MAST4: variants seen among roughly 807,000 people sequenced by gnomAD.
MAST4 encodes the protein microtubule associated serine/threonine kinase family member 4.
Under a neutral mutation model 162.7 loss-of-function variants are expected in MAST4, and 89 were observed. That is an observed-to-expected ratio of 0.55 (90% CI 0.46 to 0.65). The LOEUF (loss-of-function observed/expected upper bound fraction) is 0.65. Ranked by LOEUF, MAST4 falls within the 30% of genes least tolerant of loss-of-function variation. The probability of loss-of-function intolerance (pLI) is 0.00; values close to 1 mark genes in which losing one functional copy is unlikely to be tolerated. For missense variants in MAST4, 3,153 were observed against 3,374.0 expected (o/e 0.93, Z 1.62); for synonymous variants, 1,479 against 1,361.1 (o/e 1.09, Z -1.91).
At chr5:66,723,000 G>C (rs551494331) in intron 1 of MAST4, among the ~76,000 whole-genome samples, 127 of 152,230 alleles carry the variant, frequency 8.3e-4, no homozygotes, top group African/African-American at 2.7e-3. Context: ...GTGAAGTGAG[G>C]GTGTTATAAG....
intron 4 of MAST4, among the ~76,000 whole-genome samples, chr5:66,904,894 A>G (rs1171451668): frequency 2.0e-5 from 3 of 152,144 alleles, no homozygotes; most frequent in African/African-American, 7.2e-5. Context: ...TATAGTACCC[A>G]AACAGTAGTT....
intron 1 of MAST4, among the ~76,000 whole-genome samples, chr5:66,649,954 C>G (rs1746111086): frequency 6.6e-6 from 1 of 152,008 alleles, no homozygotes; most frequent in Non-Finnish European, 1.5e-5. Flanking sequence ...TGGCTTCTCA[C>G]TTTCAGGGCC....
chr5:66,806,598 A>G (rs1007314005), intron 3 of MAST4, among the ~76,000 whole-genome samples: 1 of 152,220 alleles, frequency 6.6e-6, no homozygotes, highest in East Asian at 1.9e-4. Flanking sequence ...TCAGTTGGGA[A>G]ATGTAGGATT....
In MAST4 at chr5:66,684,836, A is replaced by G. The variant is rs144715877; in HGVS notation, c.364-74873A>G. On this transcript the variant is annotated intron_variant, in intron 1 of 28. Coordinates refer to ENST00000403625, the MANE Select transcript of MAST4 (RefSeq NM_001164664.2). ...TGCAGAGAGCCAGCAGTTGATGGTT[A>G]TTGAGTCAGCACCTGCTGCTCAGCG... Among the ~76,000 whole-genome samples, 807 of 151,810 alleles carry G rather than the reference A, an allele frequency of 5.3e-3. 1 individual carries two copies. Among genetic ancestry groups the G allele is most frequent in the South Asian group, 0.014 (66 of 4,832 alleles).
intron 3 of MAST4, among the ~76,000 whole-genome samples, chr5:66,807,536 C>T (rs115474639): frequency 0.048 from 7,337 of 151,994 alleles, 267 homozygotes; most frequent in South Asian, 0.13. Flanking sequence ...TAAATTATTA[C>T]GGACTGTAGT....
chr5:67,054,342 A>G (rs1194976956), intron 4 of MAST4, 62 bp from the exon 5 acceptor site: 2 of 1,388,908 alleles, frequency 1.4e-6, no homozygotes, highest in Admixed American at 2.2e-5. Context: ...TACCGGGAAC[A>G]TGGTTGAACA....
chr5:66,609,592 G>A (rs1256654584), intron 1 of MAST4, among the ~76,000 whole-genome samples: 3 of 150,556 alleles, frequency 2.0e-5, no homozygotes, highest in Admixed American at 1.3e-4. Context: ...TTGCCATGCT[G>A]CCCAGGCTGG....
At chr5:66,699,859 G>A (rs1346664565) in intron 1 of MAST4, among the ~76,000 whole-genome samples, 7 of 151,962 alleles carry the variant, frequency 4.6e-5, no homozygotes, top group African/African-American at 9.7e-5. Flanking sequence ...GCAAACCACC[G>A]TGGCACACAT....
At chr5:66,809,699 T>C (rs1756383973) in intron 3 of MAST4, among the ~76,000 whole-genome samples, 1 of 152,238 alleles carries the variant, frequency 6.6e-6, no homozygotes, top group Non-Finnish European at 1.5e-5. Context: ...TATTTGTTTC[T>C]TGTTCCAGAA....
intron 16 of MAST4, 128 bp downstream of exon 16, chr5:67,132,079 T>C: frequency 1.9e-6 from 2 of 1,030,022 alleles, no homozygotes; most frequent in South Asian, 1.7e-5. Flanking sequence ...TGAGTTGTTT[T>C]AACAGTATAT....
intron 26 of MAST4, among the ~76,000 whole-genome samples, chr5:67,159,386 A>G (rs1294487770): frequency 6.6e-6 from 1 of 152,100 alleles, no homozygotes; most frequent in Non-Finnish European, 1.5e-5. Context: ...AGCATGGATT[A>G]CTTCCCAAAT....
At position 67,142,434 on chromosome 5, in the gene MAST4, G is replaced by A; in HGVS notation, c.2631G>A (p.Lys877=). The part of the protein sequence containing the change: ...DTSYFDTRSE[K]YHHMETEEED... ...ATTTCACTGCAGCTCGGTCTGAGAA[G>A]TATCATCATATGGAAACGGAGGAAG... is the stretch of plus-strand genomic sequence containing the variant. The change falls in exon 21 of 29, where the codon AAG becomes AAA. Residue 877 remains lysine (K), a synonymous_variant. Transcript: ENST00000403625. The A allele has an allele frequency of 6.3e-7, 1 of 1,598,348 alleles. No homozygotes were observed. Among genetic ancestry groups the A allele is most frequent in the Non-Finnish European group, 8.5e-7 (1 of 1,171,680 alleles).
chr5:66,659,681 C>T (rs965887773), intron 1 of MAST4, among the ~76,000 whole-genome samples: 1 of 152,038 alleles, frequency 6.6e-6, no homozygotes, highest in Non-Finnish European at 1.5e-5. Context: ...GATATTTTTC[C>T]ATGTCTTTCA....
At chr5:66,741,676 A>G (rs934954632) in intron 1 of MAST4, among the ~76,000 whole-genome samples, 1 of 152,146 alleles carries the variant, frequency 6.6e-6, no homozygotes, top group Non-Finnish European at 1.5e-5. Flanking sequence ...AGTGGACTCT[A>G]AAGGTGACTG....
intron 4 of MAST4, among the ~76,000 whole-genome samples, chr5:67,005,632 G>A (rs1016340312): frequency 1.3e-5 from 2 of 152,194 alleles, no homozygotes; most frequent in African/African-American, 2.4e-5. Context: ...TAATACAGGA[G>A]TGTCCTTTTC....
chr5:67,039,706 C>T (rs1756482300), intron 4 of MAST4, among the ~76,000 whole-genome samples: 2 of 152,156 alleles, frequency 1.3e-5, no homozygotes, highest in South Asian at 4.1e-4. Context: ...TGTGTCTCAT[C>T]CCATCTCCTG....
At chr5:66,669,876 A>C (rs1442110381) in intron 1 of MAST4, among the ~76,000 whole-genome samples, 1 of 152,166 alleles carries the variant, frequency 6.6e-6, no homozygotes, top group Non-Finnish European at 1.5e-5. Flanking sequence ...TTGAATGAAG[A>C]ATAGGTTTGC....
chr5:66,701,702 T>C (rs1749787024), intron 1 of MAST4, among the ~76,000 whole-genome samples: 1 of 152,176 alleles, frequency 6.6e-6, no homozygotes, highest in South Asian at 2.1e-4. Flanking sequence ...AAAAATAAGG[T>C]CAGGTCCTGA....
At chr5:66,965,857 T>C (rs1413409314) in intron 4 of MAST4, among the ~76,000 whole-genome samples, 1 of 152,048 alleles carries the variant, frequency 6.6e-6, no homozygotes, top group Non-Finnish European at 1.5e-5. Context: ...AATAAGGAAA[T>C]GACCAATCTG....
Sources: gnomAD v4.1 joint callset for allele counts (sites outside exome capture counted in the v4.1 genomes callset) on GRCh38, gnomAD v4.1.1 for gene constraint, MANE v1.5 for transcripts, NCBI Gene and HGNC (gene_info 2026-07-23, HGNC 2026-07-21) for gene names.